BMPR1B: variants seen among roughly 807,000 people sequenced by gnomAD.
The protein encoded by BMPR1B is bone morphogenetic protein receptor type 1B.
BMPR1B carries 12 observed loss-of-function variants against 59.1 expected under a neutral mutation model. The observed-to-expected ratio is 0.20, with a 90% CI of 0.13 to 0.33. The LOEUF (loss-of-function observed/expected upper bound fraction) is 0.33, where lower values mean the gene tolerates loss of function less well. Ranked by LOEUF, BMPR1B falls within the 10% of genes least tolerant of loss-of-function variation. The probability of loss-of-function intolerance (pLI) is 1.00; values close to 1 mark genes in which losing one functional copy is unlikely to be tolerated. For synonymous variants in BMPR1B, 237 were observed against 207.3 expected, an observed-to-expected ratio of 1.14 and a Z score of -1.23; for missense variants, 550 against 610.9, an observed-to-expected ratio of 0.90 and a Z score of 1.05.
intron 1 of BMPR1B, among the ~76,000 whole-genome samples, chr4:94,811,687 G>A (rs944507521): frequency 1.3e-5 from 2 of 152,012 alleles, no homozygotes; most frequent in Non-Finnish European, 2.9e-5. Context: ...GCTAAGCTTC[G>A]ATACCTTGGT....
At chr4:94,800,496 G>C (rs1723366217) in intron 1 of BMPR1B, among the ~76,000 whole-genome samples, 1 of 121,410 alleles carries the variant, frequency 8.2e-6, no homozygotes, top group African/African-American at 3.2e-5. Context: ...TAGTGAAAAA[G>C]ACAAGGACTG....
intron 3 of BMPR1B, among the ~76,000 whole-genome samples, chr4:95,063,319 G>C (rs1198379921): frequency 3.3e-5 from 5 of 152,098 alleles, no homozygotes; most frequent in African/African-American, 1.2e-4. Context: ...TAGATGTTAA[G>C]CACAGGACAA....
intron 2 of BMPR1B, among the ~76,000 whole-genome samples, chr4:94,923,116 A>T (rs529186110): frequency 6.6e-6 from 1 of 152,282 alleles, no homozygotes; most frequent in Admixed American, 6.5e-5. Flanking sequence ...TAATTAATTT[A>T]TCTTATATAC....
At chr4:94,929,654 T>C (rs1187328374) in intron 2 of BMPR1B, among the ~76,000 whole-genome samples, 1 of 152,128 alleles carries the variant, frequency 6.6e-6, no homozygotes, top group Non-Finnish European at 1.5e-5. Flanking sequence ...AGCTTTCTTC[T>C]CTTAGCCCTA....
At chr4:94,846,812 G>C (rs904026486) in intron 1 of BMPR1B, among the ~76,000 whole-genome samples, 40 of 148,582 alleles carry the variant, frequency 2.7e-4, no homozygotes, top group African/African-American at 9.8e-4. Context: ...ATAGATTAAA[G>C]ACAAATCTGA....
At chr4:95,108,586 T>A (rs1326723674) in intron 4 of BMPR1B, among the ~76,000 whole-genome samples, 1 of 152,074 alleles carries the variant, frequency 6.6e-6, no homozygotes, top group Non-Finnish European at 1.5e-5. Context: ...AATTACTCTA[T>A]CAGCCTTCGC....
rs1216699208 is a variant in BMPR1B, at chr4:94,949,308, C to CTTTTTTTTTTTTT, written c.-112-46725_-112-46713dup. Among the ~76,000 whole-genome samples, 3 of 81,936 alleles carry CTTTTTTTTTTTTT rather than the reference C, an allele frequency of 3.7e-5. 1 individual carries two copies. The highest frequency in any genetic ancestry group is 7.5e-5 in the Non-Finnish European group (3 of 39,762). 53.8% of individuals were successfully genotyped at this position (81,936 alleles called of 152,430 possible). ...TCCCTGCAAAGGACATGAACTCATT[C>CTTTTTTTTTTTTT]TTTTTTTTTTTTTTTTTTTGAGACG... On this transcript the variant is annotated intron_variant, in intron 2 of 12. Coordinates refer to ENST00000515059, the MANE Select transcript of BMPR1B (RefSeq NM_001203.3).
In BMPR1B at chr4:95,033,699, C is replaced by G. The variant is rs1256071100; in HGVS notation, c.-18+37565C>G. Among the ~76,000 whole-genome samples the G allele has an allele frequency of 2.6e-5, 4 of 152,056 alleles. No individual in the cohort carries two copies. The East Asian group carries it at 7.7e-4, about 29-fold the overall frequency. Reference sequence around the variant, plus strand: ...TTAGACATGGAGGCATTTCCAGGAACAGAATGGTGAAACTTAGAGGAGGAG... The same window carrying G: ...TTAGACATGGAGGCATTTCCAGGAAGAGAATGGTGAAACTTAGAGGAGGAG... On this transcript the variant is annotated intron_variant, in intron 3 of 12. Transcript: ENST00000515059.
intron 2 of BMPR1B, among the ~76,000 whole-genome samples, chr4:94,965,373 A>C (rs1730516225): frequency 6.6e-6 from 1 of 152,108 alleles, no homozygotes; most frequent in Non-Finnish European, 1.5e-5. Flanking sequence ...AGCCTGGCAC[A>C]TAGCAGACAT....
chr4:94,939,738 G>A (rs940949500), intron 2 of BMPR1B, among the ~76,000 whole-genome samples: 8 of 152,098 alleles, frequency 5.3e-5, no homozygotes. Context: ...GCATTTTTTA[G>A]GGATAGCGAT....
chr4:94,902,216 TCACACACACACACA>T (rs748411550), intron 2 of BMPR1B, among the ~76,000 whole-genome samples: 3 of 77,316 alleles, frequency 3.9e-5, no homozygotes, highest in Non-Finnish European at 7.2e-5. Flanking sequence ...GAAATTCAAT[TCACACACACACACA>T]CACACACACA....
chr4:95,044,872 AG>A (rs1167029338), intron 3 of BMPR1B, among the ~76,000 whole-genome samples: 1 of 151,962 alleles, frequency 6.6e-6, no homozygotes, highest in African/African-American at 2.4e-5. Context: ...CTCTATTGTT[AG>A]TTTTTTTTTC....
intron 1 of BMPR1B, among the ~76,000 whole-genome samples, chr4:94,866,422 CTCTT>C (rs1726244595): frequency 1.3e-5 from 2 of 152,102 alleles, no homozygotes; most frequent in Non-Finnish European, 1.5e-5. Flanking sequence ...TCTGTCTTCT[CTCTT>C]TCTTCTCTTT....
intron 2 of BMPR1B, among the ~76,000 whole-genome samples, chr4:94,986,391 TTAAAG>T (rs966143332): frequency 7.9e-5 from 12 of 152,204 alleles, no homozygotes; most frequent in African/African-American, 2.7e-4. Context: ...TTCACCCACT[TTAAAG>T]TAATCTCATG....
intron 1 of BMPR1B, among the ~76,000 whole-genome samples, chr4:94,796,166 T>C (rs906870413): frequency 2.0e-5 from 3 of 152,106 alleles, no homozygotes; most frequent in African/African-American, 4.8e-5. Flanking sequence ...GGTTTCACCA[T>C]GTTGGCCAGG....
chr4:94,997,389 T>G (rs967119359), intron 3 of BMPR1B, among the ~76,000 whole-genome samples: 7 of 152,204 alleles, frequency 4.6e-5, no homozygotes, highest in African/African-American at 1.4e-4. Context: ...TAAAATAGGA[T>G]AAGCCAGATC....
Position 94,857,118 on chromosome 4 carries a change from TAAA to T in BMPR1B, c.-182-18709_-182-18707del, listed in dbSNP as rs371416145. Reference sequence around the variant, plus strand: ...GGATCAAGAAATGAAAAGAATGAGATAAAAAAGTATGGAGGAGAGAGAACTAAA... The same window carrying T: ...GGATCAAGAAATGAAAAGAATGAGATAAAGTATGGAGGAGAGAGAACTAAA... On this transcript the variant is annotated intron_variant, in intron 1 of 12. Transcript: ENST00000515059. Among the ~76,000 whole-genome samples, 29 of 151,172 alleles carry T rather than the reference TAAA, an allele frequency of 1.9e-4. No homozygotes were observed. In the East Asian group the frequency reaches 5.3e-3, roughly 28 times the overall value.
At chr4:94,881,292 C>T (rs1000656663) in intron 2 of BMPR1B, among the ~76,000 whole-genome samples, 18 of 152,080 alleles carry the variant, frequency 1.2e-4, no homozygotes, top group African/African-American at 4.1e-4. Flanking sequence ...TATAAGACCT[C>T]TCCCCCACAA....
rs546682834 is a variant in BMPR1B, at chr4:94,975,786, TG to T, written c.-112-20253del. On this transcript the variant is annotated intron_variant, in intron 2 of 12. Coordinates refer to ENST00000515059, the MANE Select transcript of BMPR1B (RefSeq NM_001203.3). ...TATAGACAATGTCATTGAAAGAAAA[TG>T]TTTTACCTTTCTTTCTAAATTTTTT... 1.3e-3 allele frequency among the ~76,000 whole-genome samples: 195 copies of T among 152,314 alleles called. 2 individuals are homozygous for T. Among genetic ancestry groups the T allele is most frequent in the African/African-American group, 4.5e-3 (188 of 41,560 alleles).
Sources: gnomAD v4.1 joint callset for allele counts (sites outside exome capture counted in the v4.1 genomes callset) on GRCh38, gnomAD v4.1.1 for gene constraint, MANE v1.5 for transcripts, NCBI Gene and HGNC (gene_info 2026-07-23, HGNC 2026-07-21) for gene names.